The following MBD5 variants were observed in gnomAD, a reference collection of about 807,000 sequenced individuals.
MBD5 encodes the protein methyl-CpG-binding domain protein 5.
In MBD5, 13 loss-of-function variants were observed where a neutral mutation model predicts 117.3. The observed-to-expected ratio is 0.11, with a 90% CI of 0.07 to 0.18. The LOEUF (loss-of-function observed/expected upper bound fraction) is 0.18. MBD5 is among the 10% of genes least tolerant of loss of function. The pLI, the probability that MBD5 is intolerant of heterozygous loss-of-function variation, is 1.00. For synonymous variants in MBD5, 727 were observed against 766.4 expected (o/e 0.95, Z 0.85); for missense variants, 1,879 against 2,093.8 (o/e 0.90, Z 2.00).
chr2:148,120,643 C>T (rs997340604), intron 1 of MBD5, among the ~76,000 whole-genome samples: 2 of 152,164 alleles, frequency 1.3e-5, no homozygotes, highest in Admixed American at 6.5e-5. Context: ...ATCCTGCTAC[C>T]TTACTGAACT....
At chr2:148,051,596 G>C (rs1694702726) in intron 1 of MBD5, among the ~76,000 whole-genome samples, 1 of 128,522 alleles carries the variant, frequency 7.8e-6, no homozygotes, top group African/African-American at 3.0e-5. Context: ...CTTCTGTTCT[G>C]TTTGTTGAGT....
Position 148,056,968 on chromosome 2 carries a change from G to A in MBD5, c.-925+35284G>A, listed in dbSNP as rs6742489. ...TAGATAATACATTGTATTTTTCTACGAATTCATCTAAGTCATCTGTGTTTT... is the reference window on the plus strand; with the variant it reads ...TAGATAATACATTGTATTTTTCTACAAATTCATCTAAGTCATCTGTGTTTT... On this transcript the variant is annotated intron_variant, in intron 1 of 13. Coordinates refer to ENST00000642680, the MANE Select transcript of MBD5 (RefSeq NM_001378120.1). Among the ~76,000 whole-genome samples, 258 of 151,574 alleles carry A rather than the reference G, an allele frequency of 1.7e-3. 2 individuals are homozygous for A. Among genetic ancestry groups the A allele is most frequent in the African/African-American group, 5.9e-3 (246 of 41,416 alleles).
At chr2:148,477,592 A>T (rs1681011257) in intron 8 of MBD5, among the ~76,000 whole-genome samples, 1 of 152,172 alleles carries the variant, frequency 6.6e-6, no homozygotes, top group South Asian at 2.1e-4. Context: ...CTTTCAATTT[A>T]TTATTGTTAT....
In MBD5 at chr2:148,251,798, A is replaced by T. The variant is rs866131194; in HGVS notation, c.-680+18403A>T. On this transcript the variant is annotated intron_variant, in intron 3 of 13. Coordinates refer to ENST00000642680, the MANE Select transcript of MBD5 (RefSeq NM_001378120.1). ...CAATTGTTGACTTTTCTAACATTTG[A>T]CTGCTGTATGCCCAAAAAGACAGGT... is the stretch of plus-strand genomic sequence containing the variant. 8.5e-5 allele frequency among the ~76,000 whole-genome samples: 13 copies of T among 152,342 alleles called. No homozygotes were observed. The Middle Eastern group carries it at 0.027, about 319-fold the overall frequency.
At chr2:148,103,649 C>T (rs564960733) in intron 1 of MBD5, among the ~76,000 whole-genome samples, 4 of 152,258 alleles carry the variant, frequency 2.6e-5, no homozygotes, top group South Asian at 2.1e-4. Flanking sequence ...CCTTTTCCAT[C>T]CCATCATAGA....
chr2:148,469,442 C>G lies in MBD5; in HGVS notation c.1499C>G (p.Pro500Arg). 1 of 1,613,888 alleles carries G rather than the reference C, an allele frequency of 6.2e-7. No individual in the cohort carries two copies. Among genetic ancestry groups the G allele is most frequent in the Non-Finnish European group, 8.5e-7 (1 of 1,179,924 alleles). ...PRSPRSTIGS[P>R]RPSMPSSPST... ...TCACCAAGGTCAACAATAGGGTCCCCAAGGCCATCAATGCCATCAAGCCCT... is the reference window on the plus strand; with the variant it reads ...TCACCAAGGTCAACAATAGGGTCCCGAAGGCCATCAATGCCATCAAGCCCT... Residue 500 changes from proline (P) to arginine (R), a missense_variant, in exon 8 of 14, where the codon CCA becomes CGA. By Grantham distance (103) the Pro-to-Arg change is moderately radical. Transcript: ENST00000642680.
intron 1 of MBD5, among the ~76,000 whole-genome samples, chr2:148,043,310 G>A (rs541297710): frequency 4.6e-5 from 7 of 151,430 alleles, no homozygotes; most frequent in East Asian, 1.9e-4. Flanking sequence ...TAAATTAGCC[G>A]GGCATGGTAA....
chr2:148,273,704 G>A (rs1032407038), intron 3 of MBD5, among the ~76,000 whole-genome samples: 1 of 152,170 alleles, frequency 6.6e-6, no homozygotes, highest in African/African-American at 2.4e-5. Context: ...CTCCCTGGAG[G>A]CAGACTTGAC....
intron 1 of MBD5, among the ~76,000 whole-genome samples, chr2:148,134,176 T>G (rs1697117554): frequency 6.6e-6 from 1 of 151,912 alleles, no homozygotes; most frequent in Non-Finnish European, 1.5e-5. Flanking sequence ...TTATTTTATT[T>G]TCATGATAGA....
intron 4 of MBD5, among the ~76,000 whole-genome samples, chr2:148,407,339 AGTGTGTGTGTGTGT>A (rs34324249): frequency 2.1e-5 from 3 of 140,196 alleles, no homozygotes; most frequent in Admixed American, 7.1e-5. Context: ...TGGCTTTCTG[AGTGTGTGTGTGTGT>A]GTGTGTGTGT....
chr2:148,053,902 C>CT (rs1285851421), intron 1 of MBD5: 1 of 125,686 alleles, frequency 8.0e-6, no homozygotes, highest in African/African-American at 2.8e-5. Context: ...ATCTTTCTTT[C>CT]TTTTTTTCTT....
At chr2:148,183,898 T>G (rs1395707550) in intron 2 of MBD5, among the ~76,000 whole-genome samples, 1 of 152,170 alleles carries the variant, frequency 6.6e-6, no homozygotes, top group Non-Finnish European at 1.5e-5. Flanking sequence ...CCTTCAATAC[T>G]TTGAAAATCC....
At chr2:148,246,016 G>C (rs953053356) in intron 3 of MBD5, among the ~76,000 whole-genome samples, 1 of 152,144 alleles carries the variant, frequency 6.6e-6, no homozygotes, top group African/African-American at 2.4e-5. Flanking sequence ...TAGGATACAT[G>C]AGGTTTCATG....
At chr2:148,492,888 C>T (rs1376890766) in intron 11 of MBD5, among the ~76,000 whole-genome samples, 2 of 152,014 alleles carry the variant, frequency 1.3e-5, no homozygotes, top group African/African-American at 2.4e-5. Flanking sequence ...AGAGAGATAT[C>T]TAGTAGAACA....
intron 1 of MBD5, among the ~76,000 whole-genome samples, chr2:148,052,061 T>C (rs1469947327): frequency 6.6e-6 from 1 of 152,048 alleles, no homozygotes; most frequent in African/African-American, 2.4e-5. Flanking sequence ...TCTTGGGTAG[T>C]CTAGCTAAAG....
chr2:148,152,479 A>G (rs959705834), intron 1 of MBD5, among the ~76,000 whole-genome samples: 3 of 151,782 alleles, frequency 2.0e-5, no homozygotes, highest in African/African-American at 7.3e-5. Flanking sequence ...GCTGAGTTCA[A>G]TTCCTGGGTA....
chr2:148,207,735 G>A (rs1321096269), intron 2 of MBD5, among the ~76,000 whole-genome samples: 1 of 149,846 alleles, frequency 6.7e-6, no homozygotes, highest in Non-Finnish European at 1.5e-5. Flanking sequence ...GGGTGTAGAT[G>A]ACACGATTAT....
At chr2:148,489,308 T>C in intron 10 of MBD5, 78 bp from the exon 11 acceptor site, 2 of 1,558,864 alleles carry the variant, frequency 1.3e-6, no homozygotes, top group African/African-American at 1.4e-5. Context: ...TTTGGTAAAT[T>C]TTAAAATTAT....
intron 8 of MBD5, chr2:148,481,721 A>T (rs1264151993): frequency 6.6e-6 from 1 of 152,102 alleles, no homozygotes; most frequent in African/African-American, 2.4e-5. Flanking sequence ...ACCAGGGGTG[A>T]TTTCAAAGAA....
Sources: allele counts gnomAD v4.1 joint callset (sites outside exome capture counted in the v4.1 genomes callset), GRCh38; gene constraint gnomAD v4.1.1; transcripts MANE v1.5; gene names NCBI Gene and HGNC (gene_info 2026-07-23, HGNC 2026-07-21).